Variants in PSG6 observed in about 807,000 individuals in gnomAD.
The protein encoded by PSG6 is pregnancy specific beta-1-glycoprotein 6.
PSG6 carries 51 observed loss-of-function variants against 43.3 expected under a neutral mutation model. The observed-to-expected ratio is 1.18, with a 90% confidence interval of 0.94 to 1.49. The LOEUF (loss-of-function observed/expected upper bound fraction) is 1.49. PSG6 is among the 40% of genes most tolerant of loss of function. PSG6 has a pLI of 0.00. For missense variants in PSG6, 770 were observed against 522.2 expected (o/e 1.47, Z -4.62); for synonymous variants, 292 against 197.6 (o/e 1.48, Z -4.01).
At position 42,907,617 on chromosome 19, in the gene PSG6, T is replaced by A. The variant is rs138104787; in HGVS notation, c.944A>T (p.Tyr315Phe). ...GPYQCEIRDRYGGIRSNPVTL... is the reference protein window; with the variant it reads ...GPYQCEIRDRFGGIRSNPVTL... Reference sequence around the variant, plus strand: ...GACTGGGTTACTGCGGATGCCACCATATCGGTCCCGTATTTCACATTGATA... The same window carrying A: ...GACTGGGTTACTGCGGATGCCACCAAATCGGTCCCGTATTTCACATTGATA... The change falls in exon 4 of 6, where the codon TAT becomes TTT. Residue 315 changes from tyrosine to phenylalanine, a missense_variant. By Grantham distance (22) the Tyr-to-Phe change is conservative. Transcript: ENST00000187910. The A allele has an allele frequency of 1.4e-4, 222 of 1,611,264 alleles. 8 individuals are homozygous for A. The highest frequency in any genetic ancestry group is 1.3e-3 in the African/African-American group (98 of 74,826).
In PSG6 at chr19:42,910,638, AC is replaced by A. The variant is rs748060811; in HGVS notation, c.647del (p.Cys216LeufsTer7). The A allele has an allele frequency of 7.4e-6, 12 of 1,612,360 alleles. 1 individual carries two copies. In the East Asian group the frequency reaches 2.2e-4, roughly 30 times the overall value. ...VTKYIAGPYE[C>X]EIRNPVSASR... ...TGGCACTCACTGGGTTCCGTATTTCACATTCATAGGGTCCTGCAATATACTT... is the reference window on the plus strand; with the variant it reads ...TGGCACTCACTGGGTTCCGTATTTCAATTCATAGGGTCCTGCAATATACTT... On this transcript the variant is annotated frameshift_variant, in exon 3 of 6. Coordinates refer to ENST00000187910, the MANE Select transcript of PSG6 (RefSeq NM_001031850.4). LOFTEE classifies it high-confidence loss of function.
rs768743094 is a variant in PSG6, at chr19:42,903,733, A to T, written c.1241-1287T>A. On this transcript the variant is annotated intron_variant, in intron 5 of 5. Transcript: ENST00000187910. ...GGGAGATGCTGTCTCTACAAAAAAA[A>T]AAAAAACCAATTAGCTGGGCATGTT... is the stretch of plus-strand genomic sequence containing the variant. 1.9e-5 allele frequency: 29 copies of T among 1,521,954 alleles called. 1 individual carries two copies. In the East Asian group the frequency reaches 4.7e-4, roughly 25 times the overall value. 94.3% of individuals were successfully genotyped at this position (1,521,954 alleles called of 1,614,324 possible).
intron 2 of PSG6, among the ~76,000 whole-genome samples, chr19:42,914,811 A>G (rs1260738356): frequency 6.6e-6 from 1 of 151,500 alleles, no homozygotes; most frequent in Non-Finnish European, 1.5e-5. Context: ...GCAGGGTGTG[A>G]GTGGGGAAAG....
chr19:42,906,704 C>A (rs1441936631), intron 5 of PSG6: 6 of 1,474,310 alleles, frequency 4.1e-6, no homozygotes, highest in African/African-American at 1.4e-5. Flanking sequence ...CCCTCCCTAC[C>A]TTTCTCAGGC....
chr19:42,903,747 G>A (rs773718582), intron 5 of PSG6: 7 of 1,516,398 alleles, frequency 4.6e-6, no homozygotes, highest in South Asian at 2.6e-5. Context: ...AAACCAATTA[G>A]CTGGGCATGT....
chr19:42,913,843 G>A (rs574201471), intron 2 of PSG6, among the ~76,000 whole-genome samples: 7 of 151,462 alleles, frequency 4.6e-5, no homozygotes, highest in East Asian at 2.0e-4. Context: ...CCCTCCGCCC[G>A]CATGATTCCA....
rs142720012 is a variant in PSG6 at position 42,916,296 on chromosome 19, C to T, written c.256G>A (p.Gly86Ser). The T allele has an allele frequency of 2.5e-5, 40 of 1,611,922 alleles. No homozygotes were observed. The highest frequency in any genetic ancestry group is 1.2e-4 in the African/African-American group (9 of 74,640). The stretch of plus-strand genomic sequence containing the variant: ...TAGGCAGGCCCATATATAATTTGAC[C>T]GTGTACTACATATGATGTAATGTAA... Reference protein sequence around the residue: ...YHYITSYVVHGQIIYGPAYSG... With the variant: ...YHYITSYVVHSQIIYGPAYSG... Residue 86 changes from glycine (G) to serine (S), a missense_variant, in exon 2 of 6, where the codon GGT becomes AGT. By Grantham distance (56) the Gly-to-Ser change is moderately conservative. Transcript: ENST00000187910.
rs1972124466 is a variant in PSG6 at position 42,906,988 on chromosome 19, C to A, written c.1174G>T (p.Ala392Ser). The change falls in exon 5 of 6, where the codon GCT (alanine) becomes TCT (serine). Residue 392 changes from alanine (A) to serine (S), a missense_variant. Transcript: ENST00000187910. Reference sequence around the variant, plus strand: ...GTGGCTGAGTTACGAACAGAGCAAGCATAGAGCCCGCTATGATTTGTAGTA... The same window carrying A: ...GTGGCTGAGTTACGAACAGAGCAAGAATAGAGCCCGCTATGATTTGTAGTA... ...QITTNHSGLY[A>S]CSVRNSATGK... The A allele has an allele frequency of 1.9e-6, 3 of 1,612,404 alleles. No individual in the cohort carries two copies. The highest frequency in any genetic ancestry group is 2.5e-6 in the Non-Finnish European group (3 of 1,179,102).
chr19:42,911,199 G>A (rs915294211), intron 2 of PSG6, among the ~76,000 whole-genome samples: 3 of 151,464 alleles, frequency 2.0e-5, no homozygotes, highest in African/African-American at 7.3e-5. Flanking sequence ...GTCCTTACTT[G>A]GGGCATGCAG....
At chr19:42,908,223 A>T (rs202022515) in intron 3 of PSG6, among the ~76,000 whole-genome samples, 1 of 151,454 alleles carries the variant, frequency 6.6e-6, no homozygotes, top group Non-Finnish European at 1.5e-5. Context: ...CTTCCAAATT[A>T]CATCCTACTT....
At chr19:42,910,007 A>G (rs1972187685) in intron 3 of PSG6, 1 of 168,528 alleles carries the variant, frequency 5.9e-6, no homozygotes, top group Non-Finnish European at 1.3e-5. Context: ...TATATGTTTT[A>G]GTGATTTGGG....
At chr19:42,914,672 A>G (rs1223573653) in intron 2 of PSG6, among the ~76,000 whole-genome samples, 1 of 151,184 alleles carries the variant, frequency 6.6e-6, no homozygotes, top group Non-Finnish European at 1.5e-5. Context: ...TGTGGCTAGA[A>G]CCTCCTAGGA....
At chr19:42,907,881 G>T (rs777497713) in intron 3 of PSG6, 27 bp from the exon 4 acceptor site, 13 of 1,607,260 alleles carry the variant, frequency 8.1e-6, no homozygotes, top group Non-Finnish European at 1.1e-5. Flanking sequence ...AGATTGTCCT[G>T]TGTGGCACCT....
rs559281239 is a variant in PSG6 at position 42,906,600 on chromosome 19, C to G, written c.1240+322G>C. 1.1e-4 allele frequency: 149 copies of G among 1,346,890 alleles called. 5 individuals are homozygous for G. The South Asian group carries it at 1.8e-3, about 16-fold the overall frequency. The allele number at this position is 1,346,890 out of a possible 1,614,324, so 83.4% of individuals were successfully genotyped here. A position where few individuals can be genotyped will look rare whatever the true frequency, so the allele number is the denominator to read the frequency against. The stretch of plus-strand genomic sequence containing the variant: ...AAGACATGGCAGAAGGGGATGTGTT[C>G]GTGACAGCGAGAAGCAACTTGATCT... On this transcript the variant is annotated intron_variant, in intron 5 of 5. Transcript: ENST00000187910.
At chr19:42,909,281 T>C (rs991789726) in intron 3 of PSG6, among the ~76,000 whole-genome samples, 11 of 151,514 alleles carry the variant, frequency 7.3e-5, no homozygotes, top group African/African-American at 2.7e-4. Flanking sequence ...GCTGCACTCG[T>C]ATATTTTTGA....
Position 42,907,705 on chromosome 19 carries a change from T to G in PSG6, c.856A>C (p.Lys286Gln), listed in dbSNP as rs1972142921. ...AGTATCCTGTTTTCAATGGGTCGCT[T>G]TACCCTCGGACTGACCGGGAGGCTC... ...GQSLPVSPRV[K>Q]RPIENRILIL... Residue 286 changes from lysine (K) to glutamine (Q), a missense_variant, in exon 4 of 6, where the codon AAG becomes CAG. By Grantham distance (53) the Lys-to-Gln change is moderately conservative (BLOSUM62 1). Transcript: ENST00000187910. 11 of 1,610,836 alleles carry G rather than the reference T, an allele frequency of 6.8e-6. No individual in the cohort carries two copies. The highest frequency in any genetic ancestry group is 9.3e-6 in the Non-Finnish European group (11 of 1,179,096).
In PSG6 at chr19:42,910,621, A is replaced by G; in HGVS notation, c.665T>C (p.Val222Ala). 1.2e-6 allele frequency: 2 copies of G among 1,612,482 alleles called. No individual in the cohort carries two copies. The highest frequency in any genetic ancestry group is 1.7e-6 in the Non-Finnish European group (2 of 1,179,264). ...GPYECEIRNP[V>A]SASRSDPVTL... ...GACTGGGTCACTGCGGCTGGCACTC[A>G]CTGGGTTCCGTATTTCACATTCATA... Residue 222 changes from valine to alanine, a missense_variant, in exon 3 of 6, where the codon GTG becomes GCG. Coordinates refer to ENST00000187910, the MANE Select transcript of PSG6 (RefSeq NM_001031850.4).
Position 42,903,676 on chromosome 19 carries a change from A to G in PSG6, c.1241-1230T>C, listed in dbSNP as rs745744148. The G allele has an allele frequency of 7.2e-5, 110 of 1,533,774 alleles. 2 individuals are homozygous for G. Among genetic ancestry groups the G allele is most frequent in the Admixed American group, 2.0e-4 (10 of 49,450 alleles). ...AGGTCACAGCAGAAGGATTTCTTGA[A>G]ACCAGGTGTTTGGACCAGCATAGGT... On this transcript the variant is annotated intron_variant, in intron 5 of 5. Coordinates refer to ENST00000187910, the MANE Select transcript of PSG6 (RefSeq NM_001031850.4).
chr19:42,910,977 T>C (rs1365352428), intron 2 of PSG6, 119 bp from the exon 3 acceptor site: 5 of 1,503,316 alleles, frequency 3.3e-6, no homozygotes, highest in East Asian at 2.3e-5. Context: ...TAAAAGCCCA[T>C]GGCAGGTGTG....
Sources: gnomAD v4.1 joint callset for allele counts (sites outside exome capture counted in the v4.1 genomes callset) on GRCh38, gnomAD v4.1.1 for gene constraint, MANE v1.5 for transcripts, NCBI Gene and HGNC (gene_info 2026-07-23, HGNC 2026-07-21) for gene names.